KLF15: variants seen among roughly 807,000 people sequenced by gnomAD.
The protein encoded by KLF15 is Krueppel-like factor 15.
In KLF15, 4 loss-of-function variants were observed where a neutral mutation model predicts 24.6. The observed-to-expected ratio is 0.16, with a 90% CI of 0.08 to 0.37. The LOEUF (loss-of-function observed/expected upper bound fraction) is 0.37, where lower values mean the gene tolerates loss of function less well. Among genes scored for constraint, KLF15 ranks in the 10% least tolerant of loss-of-function variants. The pLI is 1.00. For synonymous variants in KLF15, 246 were observed against 236.3 expected, an observed-to-expected ratio of 1.04 and a Z score of -0.37; for missense variants, 496 against 560.6, an observed-to-expected ratio of 0.88 and a Z score of 1.16.
In KLF15 at chr3:126,356,804, C is replaced by A. The variant is rs2082636121; in HGVS notation, c.-26+433G>T. On this transcript the variant is annotated intron_variant, in intron 1 of 2. Coordinates refer to ENST00000296233, the MANE Select transcript of KLF15 (RefSeq NM_014079.4). The surrounding 1 kb of genome is among the most constrained non-coding windows in gnomAD (Gnocchi z 4.4). The stretch of plus-strand genomic sequence containing the variant: ...ACCATGCCCTCGTCCCACGCCCCCC[C>A]CTTGCCCCCGACACTGCTGCGGTGA... 6.6e-6 allele frequency among the ~76,000 whole-genome samples: 1 copy of A among 151,920 alleles called. No individual in the cohort carries two copies. Among genetic ancestry groups the A allele is most frequent in the African/African-American group, 2.4e-5 (1 of 41,384 alleles).
the KLF15 span, among the ~76,000 whole-genome samples, chr3:126,304,986 T>C: frequency 2.0e-5 from 3 of 152,336 alleles, no homozygotes; most frequent in East Asian, 3.9e-4. Context: ...AAGTAGTAAA[T>C]GTGGTCAAGT....
At chr3:126,301,163 C>T in the KLF15 span, among the ~76,000 whole-genome samples, 1 of 152,198 alleles carries the variant, frequency 6.6e-6, no homozygotes, top group African/African-American at 2.4e-5. Flanking sequence ...TTTCTTCCTG[C>T]CCCATCAAAA....
At chr3:126,350,070 C>G (rs894039304) in intron 2 of KLF15, among the ~76,000 whole-genome samples, 4 of 152,210 alleles carry the variant, frequency 2.6e-5, no homozygotes, top group African/African-American at 7.2e-5. Context: ...GGGGACCACC[C>G]CAAAGGCACA....
At chr3:126,341,154 C>T (rs980076793), downstream of KLF15, among the ~76,000 whole-genome samples, 6 of 152,200 alleles carry the variant, frequency 3.9e-5, no homozygotes, top group African/African-American at 1.4e-4. Context: ...CCAGGAGGCA[C>T]ACTCATCCCG....
the KLF15 span, among the ~76,000 whole-genome samples, chr3:126,300,815 C>G: frequency 6.6e-6 from 1 of 152,166 alleles, no homozygotes; most frequent in Non-Finnish European, 1.5e-5. Flanking sequence ...TCCAGAATTC[C>G]GAGCAGATAC....
At chr3:126,341,043 GAC>G (rs2082476030), downstream of KLF15, among the ~76,000 whole-genome samples, 1 of 152,172 alleles carries the variant, frequency 6.6e-6, no homozygotes, top group Non-Finnish European at 1.5e-5. Flanking sequence ...AGAGGTCTAG[GAC>G]ACACATAAAG....
chr3:126,328,762 C>G, the KLF15 span, among the ~76,000 whole-genome samples: 1 of 152,210 alleles, frequency 6.6e-6, no homozygotes, highest in African/African-American at 2.4e-5. Context: ...TCAACCTCCA[C>G]AGGATATATT....
chr3:126,313,828 G>T, the KLF15 span, among the ~76,000 whole-genome samples: 1 of 152,224 alleles, frequency 6.6e-6, no homozygotes, highest in Non-Finnish European at 1.5e-5. Flanking sequence ...GCTCAGCCAT[G>T]GTCCTTACAC....
the KLF15 span, among the ~76,000 whole-genome samples, chr3:126,297,224 CCAT>C: frequency 2.6e-5 from 4 of 151,748 alleles, no homozygotes; most frequent in African/African-American, 9.7e-5. Context: ...TTTTCTAGCA[CCAT>C]ATTTTAACAG....
At position 126,356,423 on chromosome 3, in the gene KLF15, G is replaced by A. The variant is rs2082632915; in HGVS notation, c.-26+814C>T. 6.6e-6 allele frequency among the ~76,000 whole-genome samples: 1 copy of A among 152,202 alleles called. No homozygotes were observed. Among genetic ancestry groups the A allele is most frequent in the Non-Finnish European group, 1.5e-5 (1 of 68,030 alleles). On this transcript the variant is annotated intron_variant, in intron 1 of 2. Coordinates refer to ENST00000296233, the MANE Select transcript of KLF15 (RefSeq NM_014079.4). This position sits in a 1 kb window ranked among gnomAD's most constrained non-coding sequence, Gnocchi z 4.4. ...GTTCCATGAGTAACACCAAGGCGGG[G>A]AGGGAAGAGTGAACCGGACCACCAT...
the KLF15 span, among the ~76,000 whole-genome samples, chr3:126,296,782 G>A: frequency 2.0e-5 from 3 of 152,212 alleles, no homozygotes; most frequent in Non-Finnish European, 4.4e-5. Context: ...TTCTCAAATA[G>A]GAAAAGTTGG....
rs760610029 is a variant in KLF15 at position 126,352,626 on chromosome 3, G to C, written c.297C>G (p.Ser99Arg). ...AGGGCCCCCAGGCCACGGGGCCACT[G>C]CTGGCCCCAATGCTACTGCCGCTGC... Reference protein sequence around the residue: ...GGGSGSSIGASSGPVAWGPWR... With the variant: ...GGGSGSSIGARSGPVAWGPWR... Residue 99 changes from serine to arginine, a missense_variant, in exon 2 of 3, where the codon AGC (serine) becomes AGG (arginine). By Grantham distance (110) the Ser-to-Arg change is moderately radical (BLOSUM62 -1). Transcript: ENST00000296233. The C allele has an allele frequency of 7.5e-6, 12 of 1,602,752 alleles. No individual in the cohort carries two copies. The highest frequency in any genetic ancestry group is 2.3e-5 in the East Asian group (1 of 44,378).
At chr3:126,329,584 T>C in the KLF15 span, among the ~76,000 whole-genome samples, 429 of 152,322 alleles carry the variant, frequency 2.8e-3, 3 homozygotes, top group Non-Finnish European at 4.1e-3. Context: ...TCCCCACCTC[T>C]ACCACCATTG....
intron 2 of KLF15, among the ~76,000 whole-genome samples, chr3:126,349,297 C>A (rs551760560): frequency 5.9e-5 from 9 of 152,310 alleles, no homozygotes; most frequent in African/African-American, 2.2e-4. Context: ...CTCCAGGGGA[C>A]CTTGGGGGAA....
chr3:126,340,156 C>A (rs1445261859), downstream of KLF15, among the ~76,000 whole-genome samples: 2 of 152,260 alleles, frequency 1.3e-5, no homozygotes, highest in African/African-American at 2.4e-5. Context: ...AATGGAAACT[C>A]CTGGCTGCCC....
chr3:126,337,922 A>C (rs1191197695), downstream of KLF15, among the ~76,000 whole-genome samples: 1 of 152,200 alleles, frequency 6.6e-6, no homozygotes, highest in Non-Finnish European at 1.5e-5. Flanking sequence ...AGGTGCAAAA[A>C]GCAAGTCCCT....
chr3:126,353,030 T>C (rs2082599992), intron 1 of KLF15, 83 bp from the exon 2 acceptor site: 1 of 1,440,710 alleles, frequency 6.9e-7, no homozygotes, highest in African/African-American at 1.4e-5. Flanking sequence ...CACCCTCAGC[T>C]GCCTGCCCAC....
chr3:126,308,005 G>A, the KLF15 span, among the ~76,000 whole-genome samples: 1 of 152,292 alleles, frequency 6.6e-6, no homozygotes, highest in South Asian at 2.1e-4. Flanking sequence ...GTGGGAGCTG[G>A]GCAGAGAGCC....
At chr3:126,334,151 A>G in the KLF15 span, among the ~76,000 whole-genome samples, 2 of 152,112 alleles carry the variant, frequency 1.3e-5, no homozygotes, top group East Asian at 3.9e-4. Flanking sequence ...ACCTATTCCA[A>G]AATTGACCAC....
Sources: allele counts gnomAD v4.1 joint callset (sites outside exome capture counted in the v4.1 genomes callset), GRCh38; gene constraint gnomAD v4.1.1; non-coding constraint Gnocchi (gnomAD v3.1); transcripts MANE v1.5; gene names NCBI Gene and HGNC (gene_info 2026-07-23, HGNC 2026-07-21).